Variants in HOOK3 observed in about 807,000 individuals in gnomAD.
HOOK3 encodes protein Hook homolog 3.
Under a neutral mutation model 116.3 loss-of-function variants are expected in HOOK3, and 24 were observed. The ratio of observed to expected loss-of-function variants is 0.21; its 90% CI spans 0.15 to 0.29. The LOEUF is 0.29. Ranked by LOEUF, HOOK3 falls within the 10% of genes least tolerant of loss-of-function variation. The probability of loss-of-function intolerance (pLI) is 1.00; values close to 1 mark genes in which losing one functional copy is unlikely to be tolerated. For synonymous variants in HOOK3, 275 were observed against 283.0 expected, an observed-to-expected ratio of 0.97 and a Z score of 0.28; for missense variants, 632 against 830.2, an observed-to-expected ratio of 0.76 and a Z score of 2.93.
intron 18 of HOOK3, among the ~76,000 whole-genome samples, chr8:43,009,511 T>TA (rs1809562813): frequency 1.3e-5 from 2 of 152,200 alleles, no homozygotes; most frequent in Admixed American, 1.3e-4. Context: ...TAATGAATAT[T>TA]ATATGATGTT....
At chr8:42,964,602 T>C in intron 9 of HOOK3, 128 bp downstream of exon 9, 1 of 736,404 alleles carries the variant, frequency 1.4e-6, no homozygotes, top group Non-Finnish European at 2.1e-6. Flanking sequence ...TGAGGCGGGC[T>C]GATCACTTGA....
rs1443834404 is a variant in HOOK3 at position 43,029,086 on chromosome 8, T to TGACTGTACACAAATGCTA, written c.*10589_*10606dup. 2 of 183,670 alleles carry TGACTGTACACAAATGCTA rather than the reference T, an allele frequency of 1.1e-5. No homozygotes were observed. The highest frequency in any genetic ancestry group is 2.3e-5 in the Non-Finnish European group (2 of 86,478). 11.4% of individuals were successfully genotyped at this position (183,670 alleles called of 1,614,324 possible). ...AGCATTTTACTCTAAATACAAGAAA[T>TGACTGTACACAAATGCTA]GACTGTACACAAATGCTAATCAGTG... On this transcript the variant is annotated 3_prime_UTR_variant, in exon 22 of 22. Transcript: ENST00000307602.
At chr8:42,971,787 TCTC>T (rs1470559596) in intron 11 of HOOK3, among the ~76,000 whole-genome samples, 1 of 151,886 alleles carries the variant, frequency 6.6e-6, no homozygotes, top group African/African-American at 2.4e-5. Context: ...TTCAAGCAAT[TCTC>T]CTGCCACAGT....
intron 6 of HOOK3, among the ~76,000 whole-genome samples, chr8:42,950,732 C>T (rs890009805): frequency 4.0e-5 from 6 of 151,808 alleles, no homozygotes; most frequent in African/African-American, 1.5e-4. Flanking sequence ...GTCACCCAGG[C>T]TAGAGTGCAG....
At chr8:42,953,694 T>A (rs1808383592) in intron 6 of HOOK3, among the ~76,000 whole-genome samples, 1 of 152,156 alleles carries the variant, frequency 6.6e-6, no homozygotes, top group Non-Finnish European at 1.5e-5. Flanking sequence ...CCATTTAAAT[T>A]TCTGTACACT....
intron 2 of HOOK3, among the ~76,000 whole-genome samples, chr8:42,912,886 T>C (rs1177320086): frequency 6.6e-6 from 1 of 152,224 alleles, no homozygotes; most frequent in African/African-American, 2.4e-5. Context: ...GCCATAACTA[T>C]CCTCTGTGTT....
At chr8:42,897,618 GA>G (rs1807045358) in intron 1 of HOOK3, among the ~76,000 whole-genome samples, 1 of 152,214 alleles carries the variant, frequency 6.6e-6, no homozygotes, top group African/African-American at 2.4e-5. Flanking sequence ...GGCGCCCGGG[GA>G]CCCCGTTTCG....
intron 2 of HOOK3, among the ~76,000 whole-genome samples, chr8:42,920,653 C>T (rs887418093): frequency 6.6e-6 from 1 of 152,106 alleles, no homozygotes; most frequent in Non-Finnish European, 1.5e-5. Context: ...GATAATTAGC[C>T]ACAGGGCCTT....
At chr8:42,981,532 A>G (rs572829201) in intron 13 of HOOK3, among the ~76,000 whole-genome samples, 27 of 152,352 alleles carry the variant, frequency 1.8e-4, no homozygotes, top group Admixed American at 1.2e-3. Context: ...AAACAGTGTG[A>G]AAGTTCAGCA....
chr8:42,951,100 A>G (rs970729535), intron 6 of HOOK3, among the ~76,000 whole-genome samples: 2 of 151,910 alleles, frequency 1.3e-5, no homozygotes, highest in Admixed American at 1.3e-4. Flanking sequence ...ACCAAGTCTC[A>G]CTCTGTCGTC....
At chr8:42,938,224 T>TG (rs567452929) in intron 4 of HOOK3, among the ~76,000 whole-genome samples, 1 of 151,764 alleles carries the variant, frequency 6.6e-6, no homozygotes, top group East Asian at 1.9e-4. Flanking sequence ...CTGCTTTTTT[T>TG]TTTTTTTTGC....
chr8:42,940,458 A>T (rs1808090260), intron 4 of HOOK3, among the ~76,000 whole-genome samples: 1 of 152,202 alleles, frequency 6.6e-6, no homozygotes, highest in African/African-American at 2.4e-5. Context: ...GCTCGGCATC[A>T]GAGGGAGACC....
At chr8:42,918,215 G>A (rs1010178915) in intron 2 of HOOK3, among the ~76,000 whole-genome samples, 10 of 152,122 alleles carry the variant, frequency 6.6e-5, no homozygotes, top group African/African-American at 2.4e-4. Context: ...GTGGATGATT[G>A]TAGTCCCAGC....
At chr8:42,966,434 T>G in intron 9 of HOOK3, 39 bp from the exon 10 acceptor site, 1 of 1,605,302 alleles carries the variant, frequency 6.2e-7, no homozygotes, top group Non-Finnish European at 8.5e-7. Context: ...GAGGAGGCAG[T>G]AAATAGTGCT....
At chr8:42,907,816 CAAAA>C (rs71550426) in intron 2 of HOOK3, among the ~76,000 whole-genome samples, 763 of 46,216 alleles carry the variant, frequency 0.017, 18 homozygotes, top group African/African-American at 0.047. Context: ...AGCAACGAGG[CAAAA>C]AAAAAAAAAA....
chr8:42,933,542 C>G (rs957019070), intron 4 of HOOK3, among the ~76,000 whole-genome samples: 1 of 152,218 alleles, frequency 6.6e-6, no homozygotes, highest in African/African-American at 2.4e-5. Context: ...CATTGCCTTT[C>G]ACCCTCCTTC....
At chr8:42,939,131 A>C (rs902610721) in intron 4 of HOOK3, among the ~76,000 whole-genome samples, 1 of 152,232 alleles carries the variant, frequency 6.6e-6, no homozygotes, top group Non-Finnish European at 1.5e-5. Context: ...TACACAGACA[A>C]CGGCAACCAT....
At chr8:42,950,907 G>T (rs576901124) in intron 6 of HOOK3, among the ~76,000 whole-genome samples, 1 of 151,998 alleles carries the variant, frequency 6.6e-6, no homozygotes, top group Non-Finnish European at 1.5e-5. Context: ...GAATGGTCTC[G>T]ATCTCCTGAC....
intron 4 of HOOK3, among the ~76,000 whole-genome samples, chr8:42,940,583 C>G (rs1029877124): frequency 2.0e-5 from 3 of 152,140 alleles, no homozygotes; most frequent in Admixed American, 2.0e-4. Context: ...AGCTCCCACT[C>G]TCTTCTGGCT....
Sources: allele counts gnomAD v4.1 joint callset (sites outside exome capture counted in the v4.1 genomes callset), GRCh38; gene constraint gnomAD v4.1.1; transcripts MANE v1.5; gene names NCBI Gene and HGNC (gene_info 2026-07-23, HGNC 2026-07-21).